Variants in RTN1 observed in about 807,000 individuals in gnomAD.
RTN1 encodes reticulon 1.
In RTN1, 25 loss-of-function variants were observed where a neutral mutation model predicts 65.5. That is an observed-to-expected ratio of 0.38 (90% CI 0.28 to 0.53). The LOEUF (loss-of-function observed/expected upper bound fraction) is 0.53. Ranked by LOEUF, RTN1 falls within the 20% of genes least tolerant of loss-of-function variation. The pLI is 0.79. For synonymous variants in RTN1, 471 were observed against 447.6 expected, an observed-to-expected ratio of 1.05 and a Z score of -0.66; for missense variants, 983 against 1,025.4, an observed-to-expected ratio of 0.96 and a Z score of 0.57.
At chr14:59,761,276 C>T (rs1378335554) in intron 1 of RTN1, among the ~76,000 whole-genome samples, 1 of 152,168 alleles carries the variant, frequency 6.6e-6, no homozygotes, top group East Asian at 1.9e-4. Context: ...TAACAATCCC[C>T]ACGTGTCAAG....
At chr14:59,630,484 G>C (rs763517660) in intron 3 of RTN1, 1 of 1,613,914 alleles carries the variant, frequency 6.2e-7, no homozygotes, top group African/African-American at 1.3e-5. Flanking sequence ...GTCCATCTTG[G>C]TGGAATCGGC....
chr14:59,708,158 A>C (rs1243998126), intron 3 of RTN1, among the ~76,000 whole-genome samples: 1 of 152,246 alleles, frequency 6.6e-6, no homozygotes, highest in Non-Finnish European at 1.5e-5. Flanking sequence ...CCACAGGAAT[A>C]TGTTAATATT....
chr14:59,765,402 A>T (rs1048767786), intron 1 of RTN1, among the ~76,000 whole-genome samples: 2 of 152,244 alleles, frequency 1.3e-5, no homozygotes, highest in African/African-American at 4.8e-5. Context: ...AGAATAGGTA[A>T]TGAATTTCCA....
At chr14:59,657,246 T>C (rs528702960) in intron 3 of RTN1, among the ~76,000 whole-genome samples, 23 of 152,084 alleles carry the variant, frequency 1.5e-4, no homozygotes, top group Non-Finnish European at 2.5e-4. Flanking sequence ...CTGTCTCTAC[T>C]AAAAATACAA....
chr14:59,776,735 A>G (rs1435094508), intron 1 of RTN1, among the ~76,000 whole-genome samples: 1 of 151,914 alleles, frequency 6.6e-6, no homozygotes, highest in Non-Finnish European at 1.5e-5. Flanking sequence ...CCTTTCCTTC[A>G]TCCAGTAGGA....
intron 1 of RTN1, among the ~76,000 whole-genome samples, chr14:59,842,214 T>A (rs1887327269): frequency 6.6e-6 from 1 of 151,520 alleles, no homozygotes; most frequent in Non-Finnish European, 1.5e-5. Flanking sequence ...AATTTTATAA[T>A]CATGCAAGAG....
At chr14:59,814,403 T>C (rs1886783480) in intron 1 of RTN1, among the ~76,000 whole-genome samples, 1 of 152,194 alleles carries the variant, frequency 6.6e-6, no homozygotes, top group African/African-American at 2.4e-5. Flanking sequence ...AGGGCTGATG[T>C]CAACCATTTC....
chr14:59,853,560 G>T (rs1420081935), intron 1 of RTN1, among the ~76,000 whole-genome samples: 1 of 152,096 alleles, frequency 6.6e-6, no homozygotes, highest in Non-Finnish European at 1.5e-5. Flanking sequence ...GGCATTCAGT[G>T]CACCCAGAAC....
At chr14:59,843,996 A>G (rs1887360578) in intron 1 of RTN1, among the ~76,000 whole-genome samples, 1 of 152,222 alleles carries the variant, frequency 6.6e-6, no homozygotes, top group Admixed American at 6.5e-5. Flanking sequence ...TTGCTCCATG[A>G]AAAAGGCTGC....
At chr14:59,676,560 G>A (rs780775161) in intron 3 of RTN1, among the ~76,000 whole-genome samples, 18 of 152,072 alleles carry the variant, frequency 1.2e-4, no homozygotes, top group Non-Finnish European at 2.1e-4. Context: ...GACTTTTGAG[G>A]GCAAAGGGCA....
intron 3 of RTN1, among the ~76,000 whole-genome samples, chr14:59,680,721 G>C (rs1034895373): frequency 1.3e-5 from 2 of 152,070 alleles, no homozygotes; most frequent in African/African-American, 2.4e-5. Context: ...AATTTGAAAT[G>C]AACACAAAGC....
chr14:59,870,350 G>T lies in RTN1; in HGVS notation c.241+40C>A. On this transcript the variant is annotated intron_variant, in intron 1 of 8. Transcript: ENST00000267484. This position sits in a 1 kb window ranked among gnomAD's most constrained non-coding sequence, Gnocchi z 5.1. ...GAAGGGGACTGACTGGGGGGCCCTGGTCCCCGACGCCATTTGAGGGGCAGC... is the reference window on the plus strand; with the variant it reads ...GAAGGGGACTGACTGGGGGGCCCTGTTCCCCGACGCCATTTGAGGGGCAGC... 4 of 1,455,912 alleles carry T rather than the reference G, an allele frequency of 2.7e-6. No homozygotes were observed. Among genetic ancestry groups the T allele is most frequent in the Non-Finnish European group, 3.6e-6 (4 of 1,112,304 alleles). 90.2% of individuals were successfully genotyped at this position (1,455,912 alleles called of 1,614,324 possible).
chr14:59,738,282 A>G (rs1173517318), intron 2 of RTN1, among the ~76,000 whole-genome samples: 2 of 152,252 alleles, frequency 1.3e-5, no homozygotes, highest in Non-Finnish European at 2.9e-5. Flanking sequence ...TCCAGCATCT[A>G]CAAAGAACTT....
chr14:59,692,968 C>T (rs539972935), intron 3 of RTN1, among the ~76,000 whole-genome samples: 2 of 152,272 alleles, frequency 1.3e-5, no homozygotes, highest in Non-Finnish European at 2.9e-5. Context: ...GCCACCACTC[C>T]CCTCTCCTAA....
At chr14:59,607,913 A>G (rs1183262495) in intron 3 of RTN1, among the ~76,000 whole-genome samples, 1 of 144,184 alleles carries the variant, frequency 6.9e-6, no homozygotes, top group Non-Finnish European at 1.5e-5. Flanking sequence ...AAAAAAAAAA[A>G]AAGAGAGAGA....
chr14:59,712,537 GTCAA>G (rs1467766483), intron 3 of RTN1, among the ~76,000 whole-genome samples: 1 of 152,218 alleles, frequency 6.6e-6, no homozygotes, highest in Non-Finnish European at 1.5e-5. Flanking sequence ...TTGGAAAGCA[GTCAA>G]TCAAACTGTG....
chr14:59,692,068 G>T (rs1434457353), intron 3 of RTN1, among the ~76,000 whole-genome samples: 1 of 152,070 alleles, frequency 6.6e-6, no homozygotes, highest in Non-Finnish European at 1.5e-5. Context: ...TATAGTACTG[G>T]AAGTACTAGC....
chr14:59,770,378 C>CTAA (rs1885931213), intron 1 of RTN1, among the ~76,000 whole-genome samples: 5 of 53,726 alleles, frequency 9.3e-5, no homozygotes, highest in East Asian at 5.8e-4. Flanking sequence ...AACTCTGCCT[C>CTAA]AAAAAAAAAA....
At chr14:59,706,928 C>T (rs568476323) in intron 3 of RTN1, among the ~76,000 whole-genome samples, 8 of 152,088 alleles carry the variant, frequency 5.3e-5, no homozygotes, top group African/African-American at 1.9e-4. Context: ...TATTCAATCC[C>T]CTTGATGGGT....
Sources: gnomAD v4.1 joint callset for allele counts (sites outside exome capture counted in the v4.1 genomes callset) on GRCh38, gnomAD v4.1.1 for gene constraint, Gnocchi (gnomAD v3.1) non-coding constraint, MANE v1.5 for transcripts, NCBI Gene and HGNC (gene_info 2026-07-23, HGNC 2026-07-21) for gene names.